Variants in DNA2 observed in about 807,000 individuals in gnomAD.
DNA2 encodes DNA replication ATP-dependent helicase/nuclease DNA2.
In DNA2, 101 loss-of-function variants were observed where a neutral mutation model predicts 119.1. The ratio of observed to expected loss-of-function variants is 0.85; its 90% CI spans 0.72 to 1.00. The LOEUF is 1.00. DNA2 is among the 50% of genes least tolerant of loss of function. The probability of loss-of-function intolerance (pLI) is 0.00; values close to 1 mark genes in which losing one functional copy is unlikely to be tolerated. For synonymous variants in DNA2, 366 were observed against 424.4 expected, an observed-to-expected ratio of 0.86 and a Z score of 1.69; for missense variants, 1,121 against 1,255.5, an observed-to-expected ratio of 0.89 and a Z score of 1.62.
In DNA2 at chr10:68,459,473, A is replaced by T. The variant is rs147214403; in HGVS notation, c.588-238T>A. Among the ~76,000 whole-genome samples, 822 of 152,358 alleles carry T rather than the reference A, an allele frequency of 5.4e-3. 12 individuals carry two copies. Among genetic ancestry groups the T allele is most frequent in the African/African-American group, 0.018 (769 of 41,592 alleles). Reference sequence around the variant, plus strand: ...TCTGACATATGTTACAACATTGAAGAACCTTCAGGACATTACGCTAAGTGA... The same window carrying T: ...TCTGACATATGTTACAACATTGAAGTACCTTCAGGACATTACGCTAAGTGA... On this transcript the variant is annotated intron_variant, in intron 4 of 20. Coordinates refer to ENST00000358410, the MANE Select transcript of DNA2 (RefSeq NM_001080449.3).
In DNA2 at chr10:68,419,827, A is replaced by C; in HGVS notation, c.2763T>G (p.Val921=). The change falls in exon 18 of 21, where the codon GTT becomes GTG. Residue 921 remains valine, a synonymous_variant. Transcript: ENST00000358410. ...CCTTAACAAAAATGGAGGTTAGGAA[A>C]ACTATGAGTTTGGCTTCTGTTACAT... is the stretch of plus-strand genomic sequence containing the variant. ...VSNVTEAKLI[V]FLTSIFVKAG... 3 of 1,613,808 alleles carry C rather than the reference A, an allele frequency of 1.9e-6. No homozygotes were observed. Among genetic ancestry groups the C allele is most frequent in the Non-Finnish European group, 2.5e-6 (3 of 1,179,796 alleles).
At chr10:68,468,347 G>A (rs745369843) in intron 2 of DNA2, 41 bp from the exon 3 acceptor site, 3 of 1,340,082 alleles carry the variant, frequency 2.2e-6, no homozygotes, top group Non-Finnish European at 2.9e-6. Context: ...ACATAGCTTA[G>A]GTTCCTACAT....
At chr10:68,468,046 A>T in intron 3 of DNA2, 77 bp downstream of exon 3, 1 of 1,076,842 alleles carries the variant, frequency 9.3e-7, no homozygotes, top group Non-Finnish European at 1.3e-6. Context: ...TGGGAGGATT[A>T]AGTGAAATAA....
At chr10:68,445,636 T>C (rs557741164) in intron 7 of DNA2, among the ~76,000 whole-genome samples, 1 of 152,228 alleles carries the variant, frequency 6.6e-6, no homozygotes, top group African/African-American at 2.4e-5. Flanking sequence ...GTTCACTTGA[T>C]AAATTCTTTA....
chr10:68,420,655 C>T (rs1246860501), intron 17 of DNA2, among the ~76,000 whole-genome samples: 1 of 150,810 alleles, frequency 6.6e-6, no homozygotes. Context: ...TGATACATCT[C>T]TTCAAAGACT....
chr10:68,448,525 T>A (rs74517824), intron 6 of DNA2, among the ~76,000 whole-genome samples: 3,719 of 152,314 alleles, frequency 0.024, 141 homozygotes, highest in African/African-American at 0.085. Context: ...ATGTCTTGTC[T>A]CGTGCATAAT....
At chr10:68,424,861 C>A in intron 14 of DNA2, 2 of 778,816 alleles carry the variant, frequency 2.6e-6, no homozygotes, top group South Asian at 1.4e-5. Context: ...GGTACTCACC[C>A]AAACAAGGTG....
At chr10:68,458,960 AC>A (rs1261841257) in intron 5 of DNA2, 143 bp downstream of exon 5, 2 of 679,144 alleles carry the variant, frequency 2.9e-6, no homozygotes, top group Non-Finnish European at 4.5e-6. Context: ...ATGGAAAGAT[AC>A]TTAGGACCAT....
intron 9 of DNA2, among the ~76,000 whole-genome samples, chr10:68,438,007 C>T (rs1045180728): frequency 2.6e-5 from 4 of 152,198 alleles, no homozygotes; most frequent in East Asian, 1.9e-4. Context: ...GCACCATGCT[C>T]GGCCCTCTAC....
intron 9 of DNA2, among the ~76,000 whole-genome samples, chr10:68,442,200 C>T (rs1255143262): frequency 6.6e-6 from 1 of 151,634 alleles, no homozygotes; most frequent in Non-Finnish European, 1.5e-5. Flanking sequence ...CAGGCATGAC[C>T]CGACGCCCTG....
chr10:68,424,963 A>AT (rs2051717868), intron 14 of DNA2: 4 of 640,746 alleles, frequency 6.2e-6, no homozygotes, highest in Admixed American at 2.2e-5. Flanking sequence ...AAAGGCAAAT[A>AT]TAAGGAGGAA....
At chr10:68,447,471 C>T (rs371741537) in intron 6 of DNA2, among the ~76,000 whole-genome samples, 2 of 142,672 alleles carry the variant, frequency 1.4e-5, no homozygotes, top group Non-Finnish European at 3.0e-5. Context: ...GAGTCGAAAT[C>T]GTGCCACTGG....
chr10:68,471,964 TCGCGCGCATGCGCCAACC>T, exon 1 of DNA2: 1 of 1,612,370 alleles, frequency 6.2e-7, no homozygotes, highest in Non-Finnish European at 8.5e-7. Flanking sequence ...CCTGCGCACC[TCGCGCGCATGCGCCAACC>T]CGCAGATGTC....
chr10:68,454,922 G>A (rs1393229461), intron 5 of DNA2, among the ~76,000 whole-genome samples: 1 of 147,760 alleles, frequency 6.8e-6, no homozygotes, highest in Admixed American at 7.0e-5. Flanking sequence ...ATTAGGAGCA[G>A]TTGAAGATAA....
intron 11 of DNA2, 29 bp from the exon 12 acceptor site, chr10:68,432,344 T>C (rs1376952147): frequency 1.6e-5 from 25 of 1,566,100 alleles, no homozygotes; most frequent in Non-Finnish European, 2.2e-5. Context: ...CTTTTAGTAA[T>C]ATTCCTTAGA....
chr10:68,452,866 G>C (rs7894184), intron 5 of DNA2, among the ~76,000 whole-genome samples: 25 of 146,354 alleles, frequency 1.7e-4, no homozygotes, highest in African/African-American at 6.1e-4. Flanking sequence ...TTACAGTTAT[G>C]AGCCACCATG....
At chr10:68,440,991 G>A (rs918539603) in intron 9 of DNA2, among the ~76,000 whole-genome samples, 1 of 151,834 alleles carries the variant, frequency 6.6e-6, no homozygotes, top group African/African-American at 2.4e-5. Flanking sequence ...GACTATGCTG[G>A]GCAACATAGC....
chr10:68,416,722 T>G lies in DNA2; in HGVS notation c.3101A>C (p.Asn1034Thr), dbSNP rs765922315. ...GAAAAAGGATATTAATTTTTCTGAG[T>G]TTAAATGATTAAGCAGCTTCTCCAA... Reference protein sequence around the residue: ...PPLEKLLNHLNSEKLIIDLPS... With the variant: ...PPLEKLLNHLTSEKLIIDLPS... The change falls in exon 20 of 21, where the codon AAC becomes ACC. Residue 1034 changes from asparagine to threonine, a missense_variant. Transcript: ENST00000358410. 6.2e-7 allele frequency: 1 copy of G among 1,613,466 alleles called. No homozygotes were observed. Among genetic ancestry groups the G allele is most frequent in the Non-Finnish European group, 8.5e-7 (1 of 1,179,512 alleles).
intron 4 of DNA2, 39 bp downstream of exon 4, chr10:68,465,628 A>G: frequency 7.0e-7 from 1 of 1,437,796 alleles, no homozygotes; most frequent in Non-Finnish European, 9.4e-7. Flanking sequence ...GAAGTTATAT[A>G]ATAAAATTAT....
Sources: gnomAD v4.1 joint callset for allele counts (sites outside exome capture counted in the v4.1 genomes callset) on GRCh38, gnomAD v4.1.1 for gene constraint, MANE v1.5 for transcripts, NCBI Gene and HGNC (gene_info 2026-07-23, HGNC 2026-07-21) for gene names.